The following BBS9 variants were observed in gnomAD, a reference collection of about 807,000 sequenced individuals.
BBS9 encodes the protein Bardet-Biedl syndrome 9.
BBS9 carries 89 observed loss-of-function variants against 117.7 expected under a neutral mutation model. The observed-to-expected ratio is 0.76, with a 90% CI of 0.64 to 0.90. The LOEUF (loss-of-function observed/expected upper bound fraction) is 0.90, where lower values mean the gene tolerates loss of function less well. BBS9 is among the 40% of genes least tolerant of loss of function. The pLI, the probability that BBS9 is intolerant of heterozygous loss-of-function variation, is 0.00. For synonymous variants in BBS9, 379 were observed against 370.9 expected, an observed-to-expected ratio of 1.02 and a Z score of -0.25; for missense variants, 982 against 1,042.2, an observed-to-expected ratio of 0.94 and a Z score of 0.80.
intron 21 of BBS9, among the ~76,000 whole-genome samples, chr7:33,547,712 G>A (rs1047355223): frequency 2.6e-5 from 4 of 152,152 alleles, no homozygotes; most frequent in African/African-American, 9.7e-5. Context: ...TAGCAATCGT[G>A]CAGCTGTTTA....
At chr7:33,314,645 A>G (rs958177039) in intron 9 of BBS9, 9 of 152,508 alleles carry the variant, frequency 5.9e-5, no homozygotes, top group African/African-American at 1.7e-4. Context: ...ATAGATAAAG[A>G]TAAACTTCAT....
chr7:33,485,747 T>C (rs939251228), intron 19 of BBS9, among the ~76,000 whole-genome samples: 9 of 152,222 alleles, frequency 5.9e-5, no homozygotes, highest in Admixed American at 1.3e-4. Context: ...TGACAAGATA[T>C]GGTCAAATTA....
At chr7:33,586,077 A>G (rs1860836053) in intron 21 of BBS9, among the ~76,000 whole-genome samples, 1 of 152,018 alleles carries the variant, frequency 6.6e-6, no homozygotes, top group Admixed American at 6.6e-5. Flanking sequence ...TCATTTCTCA[A>G]ATGAAGAAAT....
intron 19 of BBS9, among the ~76,000 whole-genome samples, chr7:33,492,158 G>A (rs1844015051): frequency 3.9e-5 from 5 of 129,684 alleles, no homozygotes; most frequent in South Asian, 5.4e-4. Flanking sequence ...AGCCAAGATC[G>A]CACCACTGCA....
At chr7:33,155,985 A>C (rs534076192) in intron 4 of BBS9, among the ~76,000 whole-genome samples, 1 of 152,312 alleles carries the variant, frequency 6.6e-6, no homozygotes, top group South Asian at 2.1e-4. Context: ...CCTGTGACTA[A>C]TAGAGGCCAA....
intron 22 of BBS9, 31 bp downstream of exon 22, chr7:33,605,006 A>G (rs1864377440): frequency 1.9e-6 from 3 of 1,554,196 alleles, no homozygotes; most frequent in African/African-American, 1.4e-5. Context: ...CACAAGCGTT[A>G]GTTAAGTCAG....
At chr7:33,166,472 C>T (rs1795709420) in intron 4 of BBS9, among the ~76,000 whole-genome samples, 1 of 152,274 alleles carries the variant, frequency 6.6e-6, no homozygotes, top group Non-Finnish European at 1.5e-5. Flanking sequence ...GAGGTGGAGT[C>T]TACAGAGGCA....
intron 4 of BBS9, among the ~76,000 whole-genome samples, chr7:33,170,680 A>G (rs1210032397): frequency 6.7e-6 from 1 of 149,760 alleles, no homozygotes; most frequent in Admixed American, 6.7e-5. Flanking sequence ...TTTGCGGATG[A>G]CATGATTGTA....
At chr7:33,298,481 C>T (rs907415566) in intron 9 of BBS9, among the ~76,000 whole-genome samples, 6 of 151,934 alleles carry the variant, frequency 3.9e-5, no homozygotes, top group Admixed American at 6.6e-5. Context: ...ACCAATATGC[C>T]CACTTTTAAC....
chr7:33,156,344 A>T (rs1022217885), intron 4 of BBS9, among the ~76,000 whole-genome samples: 2 of 152,136 alleles, frequency 1.3e-5, no homozygotes, highest in African/African-American at 2.4e-5. Flanking sequence ...TCAAGTTGAG[A>T]GTTATTTTAA....
At chr7:33,168,522 T>C (rs1297652488) in intron 4 of BBS9, among the ~76,000 whole-genome samples, 1 of 152,166 alleles carries the variant, frequency 6.6e-6, no homozygotes, top group Admixed American at 6.5e-5. Context: ...AAATTTTTGT[T>C]CAAAAGAGAA....
At chr7:33,532,579 T>C (rs1850757037) in intron 20 of BBS9, among the ~76,000 whole-genome samples, 1 of 152,058 alleles carries the variant, frequency 6.6e-6, no homozygotes, top group African/African-American at 2.4e-5. Context: ...GAAAACTCAC[T>C]ATCACGAGAA....
chr7:33,433,401 G>A (rs1165965515), intron 19 of BBS9, among the ~76,000 whole-genome samples: 1 of 152,146 alleles, frequency 6.6e-6, no homozygotes, highest in Non-Finnish European at 1.5e-5. Flanking sequence ...TGTTTTGGCA[G>A]AGTTGCAATA....
At chr7:33,372,714 G>GC (rs1345314139) in intron 17 of BBS9, among the ~76,000 whole-genome samples, 1 of 152,176 alleles carries the variant, frequency 6.6e-6, no homozygotes, top group Non-Finnish European at 1.5e-5. Flanking sequence ...TTTTGGAATA[G>GC]TTTGAGTAGA....
intron 4 of BBS9, among the ~76,000 whole-genome samples, chr7:33,158,142 A>G (rs1215452171): frequency 6.6e-6 from 1 of 152,210 alleles, no homozygotes; most frequent in Non-Finnish European, 1.5e-5. Context: ...TACTTTTGAC[A>G]GTCTTACGTA....
intron 5 of BBS9, among the ~76,000 whole-genome samples, chr7:33,238,884 G>A (rs974235108): frequency 6.6e-6 from 1 of 151,902 alleles, no homozygotes; most frequent in Non-Finnish European, 1.5e-5. Context: ...AGAATTCTGT[G>A]GTATACCCCT....
rs1232386344 is a variant in BBS9 at position 33,544,084 on chromosome 7, A to C, written c.2521+9908A>C. 2.0e-5 allele frequency among the ~76,000 whole-genome samples: 3 copies of C among 151,978 alleles called. No homozygotes were observed. In the South Asian group the frequency reaches 6.2e-4, roughly 32 times the overall value. On this transcript the variant is annotated intron_variant, in intron 21 of 22. Coordinates refer to ENST00000242067, the MANE Select transcript of BBS9 (RefSeq NM_198428.3). Reference sequence around the variant, plus strand: ...TTTCTTTAAGCTATCTATTTCCATGAATATTTCTCCTTTCACTTCTGGTAT... The same window carrying C: ...TTTCTTTAAGCTATCTATTTCCATGCATATTTCTCCTTTCACTTCTGGTAT...
Position 33,528,365 on chromosome 7 carries a change from C to G in BBS9, c.2299-5589C>G, listed in dbSNP as rs151259089. Reference sequence around the variant, plus strand: ...TTGTTTTTGTTTTTTAACCTTTTCTCTCTCTCTTAGGTTTAACTGTGTACA... The same window carrying G: ...TTGTTTTTGTTTTTTAACCTTTTCTGTCTCTCTTAGGTTTAACTGTGTACA... On this transcript the variant is annotated intron_variant, in intron 20 of 22. Coordinates refer to ENST00000242067, the MANE Select transcript of BBS9 (RefSeq NM_198428.3). Among the ~76,000 whole-genome samples the G allele has an allele frequency of 3.2e-3, 489 of 152,100 alleles. 1 individual carries two copies. Among genetic ancestry groups the G allele is most frequent in the African/African-American group, 7.8e-3 (323 of 41,478 alleles).
At chr7:33,573,289 G>A (rs1003067567) in intron 21 of BBS9, among the ~76,000 whole-genome samples, 1 of 152,114 alleles carries the variant, frequency 6.6e-6, no homozygotes. Flanking sequence ...CTATTGGTGT[G>A]TTATTGCTTC....
Sources: allele counts gnomAD v4.1 joint callset (sites outside exome capture counted in the v4.1 genomes callset), GRCh38; gene constraint gnomAD v4.1.1; transcripts MANE v1.5; gene names NCBI Gene and HGNC (gene_info 2026-07-23, HGNC 2026-07-21).